The following DPPA3 variants were observed in gnomAD, a reference collection of about 807,000 sequenced individuals.
DPPA3 encodes developmental pluripotency associated 3.
Under a neutral mutation model 15.6 loss-of-function variants are expected in DPPA3, and 9 were observed. The observed-to-expected ratio is 0.58, with a 90% CI of 0.35 to 1.01. DPPA3 has a LOEUF of 1.01. Ranked by LOEUF, DPPA3 falls within the 50% of genes least tolerant of loss-of-function variation. DPPA3 has a pLI of 0.02. For synonymous variants in DPPA3, 61 were observed against 70.9 expected (o/e 0.86, Z 0.70); for missense variants, 148 against 194.6 (o/e 0.76, Z 1.42).
chr12:7,713,496 A>AAAAAC (rs1403541998), intron 1 of DPPA3, among the ~76,000 whole-genome samples: 2 of 152,206 alleles, frequency 1.3e-5, no homozygotes, highest in Non-Finnish European at 2.9e-5. Flanking sequence ...ATAGGGGGCA[A>AAAAAC]AAAACAAAAC....
At chr12:7,715,138 G>C in intron 1 of DPPA3, 45 bp from the exon 2 acceptor site, 1 of 1,611,544 alleles carries the variant, frequency 6.2e-7, no homozygotes, top group Non-Finnish European at 8.5e-7. Context: ...ATGTGTGAAT[G>C]TTGAAGATCC....
In DPPA3 at chr12:7,713,967, A is replaced by G. The variant is rs1466167343; in HGVS notation, c.83-1216A>G. Among the ~76,000 whole-genome samples, 4 of 152,294 alleles carry G rather than the reference A, an allele frequency of 2.6e-5. No individual in the cohort carries two copies. The East Asian group carries it at 7.7e-4, about 29-fold the overall frequency. ...GGTAGAGGCTGCAATGAGCCATGAT[A>G]GTGCCACTGCACTCCAGCCTGGGTG... On this transcript the variant is annotated intron_variant, in intron 1 of 3. Transcript: ENST00000345088.
In DPPA3 at chr12:7,717,134, G is replaced by T; in HGVS notation, c.*57G>T. 1.1e-6 allele frequency: 1 copy of T among 951,900 alleles called. No individual in the cohort carries two copies. The highest frequency in any genetic ancestry group is 1.7e-6 in the Non-Finnish European group (1 of 589,778). 59.0% of individuals were successfully genotyped at this position (951,900 alleles called of 1,614,324 possible). A position where few individuals can be genotyped will look rare whatever the true frequency, so the allele number is the denominator to read the frequency against. ...TAATTTTATATAGCAGGTTGAGAAA[G>T]CTACTCTATGCTAGTATAGACTATA... On this transcript the variant is annotated 3_prime_UTR_variant, in exon 4 of 4. Coordinates refer to ENST00000345088, the MANE Select transcript of DPPA3 (RefSeq NM_199286.4).
At chr12:7,713,571 G>A (rs1864368656) in intron 1 of DPPA3, among the ~76,000 whole-genome samples, 1 of 152,154 alleles carries the variant, frequency 6.6e-6, no homozygotes, top group Non-Finnish European at 1.5e-5. Context: ...GTATGTATGG[G>A]ATACGCCTCA....
intron 2 of DPPA3, 142 bp from the exon 3 acceptor site, chr12:7,716,056 T>G (rs770436219): frequency 5.6e-6 from 4 of 714,030 alleles, no homozygotes; most frequent in Non-Finnish European, 9.2e-6. Flanking sequence ...TGAGCCATGA[T>G]TGCTCCACTG....
chr12:7,714,723 A>AT (rs71038731), intron 1 of DPPA3, among the ~76,000 whole-genome samples: 41,191 of 149,242 alleles, frequency 0.28, 6,003 homozygotes, highest in Non-Finnish European at 0.32. Flanking sequence ...TTATTTATTT[A>AT]TTTTTTTGAG....
At chr12:7,713,910 C>T (rs1864371145) in intron 1 of DPPA3, among the ~76,000 whole-genome samples, 1 of 152,172 alleles carries the variant, frequency 6.6e-6, no homozygotes, top group African/African-American at 2.4e-5. Context: ...CTACTCTGGA[C>T]GCTGAGGTGG....
Position 7,716,984 on chromosome 12 carries a change from C to T in DPPA3, c.387C>T (p.Phe129=). 6.2e-7 allele frequency: 1 copy of T among 1,613,344 alleles called. No individual in the cohort carries two copies. Among genetic ancestry groups the T allele is most frequent in the Non-Finnish European group, 8.5e-7 (1 of 1,179,602 alleles). ...TTTTTCAGAAGGAATCAAGACCATT[C>T]AAATGTCCCTGCAGTTTCTGCGTGT... is the stretch of plus-strand genomic sequence containing the variant. ...PKGVKKESRP[F]KCPCSFCVSN... is the part of the protein sequence containing the mutation. The change falls in exon 4 of 4, where the codon TTC becomes TTT. Residue 129 remains phenylalanine, a synonymous_variant. Transcript: ENST00000345088.
rs1484758040 is a variant in DPPA3 at position 7,716,339 on chromosome 12, G to C, written c.369+100G>C. Reference sequence around the variant, plus strand: ...TCCTTTTGCCGGAATAGGGAATTAGGGAATTTGCTTGGACTTTCTGAATCC... The same window carrying C: ...TCCTTTTGCCGGAATAGGGAATTAGCGAATTTGCTTGGACTTTCTGAATCC... On this transcript the variant is annotated intron_variant, in intron 3 of 3. Coordinates refer to ENST00000345088, the MANE Select transcript of DPPA3 (RefSeq NM_199286.4). 5 of 968,350 alleles carry C rather than the reference G, an allele frequency of 5.2e-6. No individual in the cohort carries two copies. In the East Asian group the frequency reaches 1.1e-4, roughly 21 times the overall value. 60.0% of individuals were successfully genotyped at this position (968,350 alleles called of 1,614,324 possible).
chr12:7,715,682 A>G (rs1447365086), intron 2 of DPPA3, among the ~76,000 whole-genome samples: 1 of 152,080 alleles, frequency 6.6e-6, no homozygotes, highest in Non-Finnish European at 1.5e-5. Context: ...CTGCAATCTC[A>G]GCTACTTGGG....
At chr12:7,715,465 G>A (rs766029779) in intron 2 of DPPA3, 38 bp downstream of exon 2, 10 of 1,613,044 alleles carry the variant, frequency 6.2e-6, no homozygotes, top group African/African-American at 1.3e-5. Context: ...GTCCAATTCC[G>A]GAGAGTGACA....
intron 1 of DPPA3, among the ~76,000 whole-genome samples, chr12:7,714,264 G>T (rs1864374802): frequency 7.4e-6 from 1 of 134,756 alleles, no homozygotes; most frequent in Non-Finnish European, 1.6e-5. Flanking sequence ...GAAAACAAGG[G>T]ATTACAGTCA....
At chr12:7,714,352 C>T (rs1227071858) in intron 1 of DPPA3, among the ~76,000 whole-genome samples, 1 of 152,102 alleles carries the variant, frequency 6.6e-6, no homozygotes, top group Non-Finnish European at 1.5e-5. Context: ...GTGGGCCCTG[C>T]GAAACCTTGT....
Position 7,715,291 on chromosome 12 carries a change from A to C in DPPA3, c.191A>C (p.Glu64Ala), listed in dbSNP as rs757960183. 8.1e-6 allele frequency: 13 copies of C among 1,613,792 alleles called. No individual in the cohort carries two copies. The highest frequency in any genetic ancestry group is 1.6e-4 in the Middle Eastern group (1 of 6,080). Residue 64 changes from glutamate (E) to alanine (A), a missense_variant, in exon 2 of 4, where the codon GAG becomes GCG. Transcript: ENST00000345088. ...CTATCGGAAGCTTTACTCCGTCGAGAGTCTGTAGGAGCAGCAGTCCTCAGG... is the reference window on the plus strand; with the variant it reads ...CTATCGGAAGCTTTACTCCGTCGAGCGTCTGTAGGAGCAGCAGTCCTCAGG... ...SPLSEALLRR[E>A]SVGAAVLREI...
chr12:7,716,269 C>CTTTT (rs34547953), intron 3 of DPPA3, 30 bp downstream of exon 3: 21,690 of 1,299,604 alleles, frequency 0.017, 4 homozygotes, highest in Non-Finnish European at 0.019. Context: ...TTTTATTTTC[C>CTTTT]TTTTTTTTTT....
At position 7,711,462 on chromosome 12, in the gene DPPA3, C is replaced by G. The variant is rs1195162921; in HGVS notation, c.-109C>G. On this transcript the variant is annotated 5_prime_UTR_variant, in exon 1 of 4. Transcript: ENST00000345088. ...GTTCTTTGACCATTCGTTGGAGCTC[C>G]GGTTTTCAGCCTCTTTCCGGGCTAC... is the stretch of plus-strand genomic sequence containing the variant. 1 of 941,836 alleles carries G rather than the reference C, an allele frequency of 1.1e-6. No individual in the cohort carries two copies. The highest frequency in any genetic ancestry group is 1.6e-6 in the Non-Finnish European group (1 of 642,264). 58.3% of individuals were successfully genotyped at this position (941,836 alleles called of 1,614,324 possible).
At chr12:7,714,310 T>A (rs1459230459) in intron 1 of DPPA3, among the ~76,000 whole-genome samples, 1 of 152,074 alleles carries the variant, frequency 6.6e-6, no homozygotes, top group Non-Finnish European at 1.5e-5. Context: ...TTCCAGGACA[T>A]CCCCAAAATC....
intron 1 of DPPA3, among the ~76,000 whole-genome samples, chr12:7,712,784 T>C (rs779665885): frequency 4.1e-4 from 62 of 152,198 alleles, no homozygotes; most frequent in Non-Finnish European, 6.8e-4. Flanking sequence ...AGTGGGTCTC[T>C]CCATGTTGCC....
chr12:7,711,722 T>C, intron 1 of DPPA3, 70 bp downstream of exon 1: 2 of 24,362 alleles, frequency 8.2e-5, no homozygotes, highest in South Asian at 3.2e-3. Context: ...GCTGCCGTCT[T>C]TTTTTTTTTT....
Sources: gnomAD v4.1 joint callset for allele counts (sites outside exome capture counted in the v4.1 genomes callset) on GRCh38, gnomAD v4.1.1 for gene constraint, MANE v1.5 for transcripts, NCBI Gene and HGNC (gene_info 2026-07-23, HGNC 2026-07-21) for gene names.